The following ABCA6 variants were observed in gnomAD, a reference collection of about 807,000 sequenced individuals.
ABCA6 encodes ATP binding cassette subfamily A member 6.
Under a neutral mutation model 191.2 loss-of-function variants are expected in ABCA6, and 164 were observed. The ratio of observed to expected loss-of-function variants is 0.86; its 90% CI spans 0.76 to 0.98. The LOEUF is 0.98. Ranked by LOEUF, ABCA6 falls within the 50% of genes least tolerant of loss-of-function variation. ABCA6 has a pLI of 0.00. For missense variants in ABCA6, 1,958 were observed against 1,894.1 expected, an observed-to-expected ratio of 1.03 and a Z score of -0.63; for synonymous variants, 636 against 647.7, an observed-to-expected ratio of 0.98 and a Z score of 0.27.
intron 22 of ABCA6, among the ~76,000 whole-genome samples, chr17:69,098,880 A>G (rs1273111105): frequency 2.0e-5 from 3 of 152,192 alleles, no homozygotes; most frequent in Non-Finnish European, 4.4e-5. Context: ...TTTCACAACA[A>G]TGTGAATATA....
chr17:69,113,432 A>C (rs1406708105), intron 14 of ABCA6, 72 bp from the exon 15 acceptor site: 3 of 1,526,614 alleles, frequency 2.0e-6, no homozygotes, highest in Admixed American at 2.2e-5. Context: ...AGCATGAAAA[A>C]CAATAAATAC....
Position 69,123,337 on chromosome 17 carries a change from A to T in ABCA6, c.1338T>A (p.Thr446=), listed in dbSNP as rs144471953. The T allele has an allele frequency of 1.1e-5, 17 of 1,576,166 alleles. No individual in the cohort carries two copies. The highest frequency in any genetic ancestry group is 1.5e-5 in the Non-Finnish European group (17 of 1,156,064). Residue 446 remains threonine (T), a synonymous_variant, in exon 10 of 39, where the codon ACT becomes ACA. Coordinates refer to ENST00000284425, the MANE Select transcript of ABCA6 (RefSeq NM_080284.3). ...TTTCTTTCTCAATAACCTTAGCATT[A>T]GTCCTTTGGTGTTGGAAACAAGATG... The part of the protein sequence containing the change: ...NSSSCFQHQR[T]NAKVIEKEID...
chr17:69,109,539 C>G (rs1028009579), intron 17 of ABCA6: 2 of 152,186 alleles, frequency 1.3e-5, no homozygotes, highest in East Asian at 1.9e-4. Context: ...CCTGCCTTAT[C>G]TACAGTTTCA....
rs1422698275 is a variant in ABCA6 at position 69,078,964 on chromosome 17, T to C, written c.*9A>G. ...AGGAGATCAACAAAAAATTACTAGG[T>C]TTGAGGTTTTAAGGTTCATCTGAAT... On this transcript the variant is annotated 3_prime_UTR_variant, in exon 39 of 39. Transcript: ENST00000284425. 2 of 1,581,352 alleles carry C rather than the reference T, an allele frequency of 1.3e-6. No homozygotes were observed. The highest frequency in any genetic ancestry group is 2.2e-5 in the East Asian group (1 of 44,554).
intron 23 of ABCA6, 113 bp from the exon 24 acceptor site, chr17:69,096,914 T>A: frequency 1.1e-6 from 1 of 935,166 alleles, no homozygotes; most frequent in Non-Finnish European, 1.5e-6. Flanking sequence ...AATCTAATCT[T>A]CTAATATTAA....
chr17:69,088,090 TAACAAGATGATAGCACAG>T, intron 28 of ABCA6, 59 bp downstream of exon 28: 1 of 1,257,222 alleles, frequency 8.0e-7, no homozygotes, highest in Non-Finnish European at 1.1e-6. Context: ...AAATCTGTAT[TAACAAGATGATAGCACAG>T]ACACCATCTA....
At chr17:69,115,627 A>G in intron 11 of ABCA6, 141 bp from the exon 12 acceptor site, 1 of 509,692 alleles carries the variant, frequency 2.0e-6, no homozygotes, top group East Asian at 3.0e-5. Flanking sequence ...ATACACAATG[A>G]TCAATATTTT....
rs991854625 is a variant in ABCA6 at position 69,079,101 on chromosome 17, AGAAG to A, written c.4753-31_4753-28del. 8 of 1,578,360 alleles carry A rather than the reference AGAAG, an allele frequency of 5.1e-6. No individual in the cohort carries two copies. The African/African-American group carries it at 5.4e-5, about 11-fold the overall frequency. ...TAATTAGGAGACAAAGAAGAAGGAA[AGAAG>A]GAAGAGAGATTATCAAGTTGTTGGT... is the stretch of plus-strand genomic sequence containing the variant. On this transcript the variant is annotated intron_variant, in intron 38 of 38. Coordinates refer to ENST00000284425, the MANE Select transcript of ABCA6 (RefSeq NM_080284.3).
At chr17:69,081,665 G>A (rs996628005) in intron 36 of ABCA6, among the ~76,000 whole-genome samples, 1 of 152,168 alleles carries the variant, frequency 6.6e-6, no homozygotes, top group African/African-American at 2.4e-5. Flanking sequence ...TGATATTGGC[G>A]AAAGATCTGT....
rs952335934 is a variant in ABCA6, at chr17:69,086,684, T to C, written c.3871A>G (p.Lys1291Glu). The stretch of plus-strand genomic sequence containing the variant: ...TTCTTCCTCTTTGAAAAGCAACTTT[T>C]CTTCTGGCCTGCATATTCTTTGTGT... ...CLHKEYAGQK[K>E]SCFSKRKKKI... The change falls in exon 30 of 39, where the codon AAA becomes GAA. Residue 1291 changes from lysine to glutamate, a missense_variant. Lys to Glu is a moderately conservative substitution (Grantham distance 56). Coordinates refer to ENST00000284425, the MANE Select transcript of ABCA6 (RefSeq NM_080284.3). 3.1e-6 allele frequency: 5 copies of C among 1,613,026 alleles called. No individual in the cohort carries two copies. The highest frequency in any genetic ancestry group is 1.3e-5 in the African/African-American group (1 of 74,868).
Position 69,091,279 on chromosome 17 carries a change from A to G in ABCA6, c.3409-17T>C. On this transcript the variant is annotated splice_polypyrimidine_tract_variant and intron_variant, in intron 25 of 38. Transcript: ENST00000284425. ...GGTGGAGGCCTACAAGGCAAGTTCAAATATATTGTATCAGACATACTCAAC... is the reference window on the plus strand; with the variant it reads ...GGTGGAGGCCTACAAGGCAAGTTCAGATATATTGTATCAGACATACTCAAC... 2 of 1,607,588 alleles carry G rather than the reference A, an allele frequency of 1.2e-6. No individual in the cohort carries two copies. The highest frequency in any genetic ancestry group is 1.7e-6 in the Non-Finnish European group (2 of 1,178,810).
Position 69,114,807 on chromosome 17 carries a change from C to A in ABCA6, c.1737G>T (p.Leu579=). Residue 579 remains leucine (L), a synonymous_variant, in exon 13 of 39, where the codon CTG becomes CTT. Coordinates refer to ENST00000284425, the MANE Select transcript of ABCA6 (RefSeq NM_080284.3). ...GATGAATCCCTTTTATTTTAGCAAA[C>A]AGGCTGAGGTTTTCCTTCACGGTGA... ...DILTVKENLS[L]FAKIKGIHLK... The A allele has an allele frequency of 6.2e-7, 1 of 1,612,108 alleles. No individual in the cohort carries two copies. The highest frequency in any genetic ancestry group is 8.5e-7 in the Non-Finnish European group (1 of 1,179,042).
chr17:69,102,670 A>T (rs1158778789), intron 21 of ABCA6, among the ~76,000 whole-genome samples, 165 bp downstream of exon 21: 1 of 152,202 alleles, frequency 6.6e-6, no homozygotes, highest in Non-Finnish European at 1.5e-5. Context: ...CTAAGATAGA[A>T]AATGTTTTAC....
chr17:69,087,296 C>T (rs1598443512), intron 29 of ABCA6, 57 bp downstream of exon 29: 5 of 1,591,778 alleles, frequency 3.1e-6, no homozygotes, highest in East Asian at 4.5e-5. Flanking sequence ...TCAAATCCTG[C>T]TCTTGACAGT....
chr17:69,113,519 A>C lies in ABCA6; in HGVS notation c.1902+99T>G. On this transcript the variant is annotated intron_variant, in intron 14 of 38. Transcript: ENST00000284425. Reference sequence around the variant, plus strand: ...GTTAAACATAGCAGGTTCTCTCTTGATGCATTACAATGAAAGCTCTACCAC... The same window carrying C: ...GTTAAACATAGCAGGTTCTCTCTTGCTGCATTACAATGAAAGCTCTACCAC... The C allele has an allele frequency of 3.8e-6, 6 of 1,581,616 alleles. 1 individual carries two copies. In the South Asian group the frequency reaches 6.9e-5, roughly 18 times the overall value.
intron 28 of ABCA6, 115 bp from the exon 29 acceptor site, chr17:69,087,588 T>C (rs2072830379): frequency 3.7e-6 from 5 of 1,369,032 alleles, no homozygotes; most frequent in Middle Eastern, 1.9e-4. Context: ...CAGGTGATGA[T>C]GTGATGATGA....
Position 69,114,777 on chromosome 17 carries a change from C to A in ABCA6, c.1767G>T (p.Lys589Asn). ...LFAKIKGIHL[K>N]EVEQEVQRIL... ...GCCCTCCTACCTCTTGTTCCACTTC[C>A]TTTAGATGAATCCCTTTTATTTTAG... Residue 589 changes from lysine to asparagine, a missense_variant, in exon 13 of 39, where the codon AAG becomes AAT. Physicochemically the swap from Lys to Asn is moderately conservative, Grantham distance 94 (BLOSUM62 0). Coordinates refer to ENST00000284425, the MANE Select transcript of ABCA6 (RefSeq NM_080284.3). 6.2e-7 allele frequency: 1 copy of A among 1,610,162 alleles called. No individual in the cohort carries two copies. Among genetic ancestry groups the A allele is most frequent in the Non-Finnish European group, 8.5e-7 (1 of 1,178,260 alleles).
chr17:69,106,793 T>C (rs1285075645), intron 18 of ABCA6, among the ~76,000 whole-genome samples: 1 of 152,140 alleles, frequency 6.6e-6, no homozygotes, highest in Non-Finnish European at 1.5e-5. Flanking sequence ...TTAGATTGCT[T>C]GTGGTTACAG....
At position 69,091,266 on chromosome 17, in the gene ABCA6, C is replaced by A; in HGVS notation, c.3409-4G>T. The A allele has an allele frequency of 6.2e-7, 1 of 1,609,130 alleles. No individual in the cohort carries two copies. Among genetic ancestry groups the A allele is most frequent in the Non-Finnish European group, 8.5e-7 (1 of 1,179,074 alleles). The stretch of plus-strand genomic sequence containing the variant: ...TGGAAAACATGATGGTGGAGGCCTA[C>A]AAGGCAAGTTCAAATATATTGTATC... On this transcript the variant is annotated splice_region_variant and splice_polypyrimidine_tract_variant and intron_variant, in intron 25 of 38. Coordinates refer to ENST00000284425, the MANE Select transcript of ABCA6 (RefSeq NM_080284.3).
Sources: gnomAD v4.1 joint callset for allele counts (sites outside exome capture counted in the v4.1 genomes callset) on GRCh38, gnomAD v4.1.1 for gene constraint, MANE v1.5 for transcripts, NCBI Gene and HGNC (gene_info 2026-07-23, HGNC 2026-07-21) for gene names.